Variants in UBE2F observed in about 807,000 individuals in gnomAD.
The protein encoded by UBE2F is NEDD8-conjugating enzyme UBE2F.
In UBE2F, 5 loss-of-function variants were observed where a neutral mutation model predicts 29.6. That is an observed-to-expected ratio of 0.17 (90% confidence interval 0.09 to 0.36). The LOEUF is 0.36. Ranked by LOEUF, UBE2F falls within the 10% of genes least tolerant of loss-of-function variation. The pLI is 1.00. For synonymous variants in UBE2F, 66 were observed against 81.8 expected (o/e 0.81, Z 1.04); for missense variants, 141 against 228.5 (o/e 0.62, Z 2.47).
intron 4 of UBE2F, among the ~76,000 whole-genome samples, chr2:238,015,149 T>C (rs1404368023): frequency 1.3e-5 from 2 of 152,200 alleles, no homozygotes; most frequent in Admixed American, 6.5e-5. Flanking sequence ...ATAATCTTGG[T>C]TGGGAAAGGC....
intron 4 of UBE2F, 117 bp downstream of exon 4, chr2:237,994,926 A>G: frequency 1.3e-6 from 1 of 742,262 alleles, no homozygotes; most frequent in Non-Finnish European, 2.3e-6. Flanking sequence ...ACACATTAAT[A>G]ACAATTTCAT....
chr2:238,012,213 CT>C (rs2064050896), intron 4 of UBE2F, among the ~76,000 whole-genome samples: 1 of 152,114 alleles, frequency 6.6e-6, no homozygotes, highest in East Asian at 1.9e-4. Flanking sequence ...GATTTTTCCA[CT>C]GACTGTTAGA....
intron 1 of UBE2F, among the ~76,000 whole-genome samples, chr2:237,971,146 A>C (rs912066801): frequency 1.3e-5 from 2 of 152,226 alleles, no homozygotes; most frequent in Non-Finnish European, 2.9e-5. Context: ...GGAACGGAGT[A>C]TTCTTATTTG....
intron 2 of UBE2F, 125 bp downstream of exon 2, chr2:237,973,350 A>G: frequency 1.8e-6 from 2 of 1,089,094 alleles, no homozygotes; most frequent in Non-Finnish European, 1.3e-6. Context: ...ATTTTAAAAT[A>G]TAATTGCTTA....
intron 4 of UBE2F, among the ~76,000 whole-genome samples, chr2:238,016,197 T>G (rs1396715437): frequency 6.6e-6 from 1 of 152,154 alleles, no homozygotes; most frequent in Admixed American, 6.5e-5. Flanking sequence ...AGACCAGCAG[T>G]AAGCAGATAA....
intron 1 of UBE2F, chr2:237,968,893 T>C (rs2063115413): frequency 1.0e-6 from 1 of 975,298 alleles, no homozygotes; most frequent in South Asian, 4.7e-5. Context: ...AGGAAAAGAA[T>C]TCTGAAGCAA....
intron 7 of UBE2F, among the ~76,000 whole-genome samples, chr2:238,031,498 G>A (rs537834286): frequency 3.6e-4 from 55 of 152,308 alleles, no homozygotes; most frequent in African/African-American, 1.3e-3. Context: ...AGGGATGGGT[G>A]GGTGGATGGA....
chr2:238,019,555 G>A (rs1340860836), intron 5 of UBE2F, among the ~76,000 whole-genome samples: 2 of 151,242 alleles, frequency 1.3e-5, no homozygotes, highest in African/African-American at 2.4e-5. Flanking sequence ...TAGTAGAGAC[G>A]GAGTTTCTCC....
rs376585538 is a variant in UBE2F, at chr2:237,996,728, G to A, written c.214+1919G>A. Among the ~76,000 whole-genome samples the A allele has an allele frequency of 8.5e-5, 13 of 152,058 alleles. No homozygotes were observed. The East Asian group carries it at 1.2e-3, about 14-fold the overall frequency. Reference sequence around the variant, plus strand: ...TAACCTCAGGTGATCTGCCAGCCTCGGCTTCCCAAAGTGCTGGGATTACAG... The same window carrying A: ...TAACCTCAGGTGATCTGCCAGCCTCAGCTTCCCAAAGTGCTGGGATTACAG... On this transcript the variant is annotated intron_variant, in intron 4 of 9. Coordinates refer to ENST00000272930, the MANE Select transcript of UBE2F (RefSeq NM_080678.3).
chr2:237,970,210 T>A (rs1264033951), intron 1 of UBE2F, among the ~76,000 whole-genome samples: 3 of 151,850 alleles, frequency 2.0e-5, no homozygotes, highest in Admixed American at 2.0e-4. Flanking sequence ...ACAAAAAAAA[T>A]TAAAATTAGC....
intron 2 of UBE2F, among the ~76,000 whole-genome samples, chr2:237,980,309 G>A (rs2063354354): frequency 6.6e-6 from 1 of 152,184 alleles, no homozygotes; most frequent in Non-Finnish European, 1.5e-5. Context: ...ACCATAGATG[G>A]TTTGGCCTAA....
chr2:237,972,354 C>T (rs2063192088), intron 1 of UBE2F, among the ~76,000 whole-genome samples: 1 of 152,022 alleles, frequency 6.6e-6, no homozygotes, highest in African/African-American at 2.4e-5. Flanking sequence ...TGATCCCCTG[C>T]AGCAGGGAAG....
rs559493448 is a variant in UBE2F, at chr2:237,999,391, T to C, written c.214+4582T>C. ...GGCTGAAGTTTTAATTTTTATGATG[T>C]GCAGTTTATCAGTTTTTTAATGGTT... On this transcript the variant is annotated intron_variant, in intron 4 of 9. Coordinates refer to ENST00000272930, the MANE Select transcript of UBE2F (RefSeq NM_080678.3). Among the ~76,000 whole-genome samples, 4 of 152,312 alleles carry C rather than the reference T, an allele frequency of 2.6e-5. No homozygotes were observed. The East Asian group carries it at 7.7e-4, about 29-fold the overall frequency.
At chr2:238,003,338 A>G (rs575011933) in intron 4 of UBE2F, 2 of 470,820 alleles carry the variant, frequency 4.2e-6, no homozygotes, top group East Asian at 6.9e-5. Context: ...TCAGGAAAAC[A>G]TTGACTGCTC....
At chr2:237,993,463 A>G (rs768320765) in intron 3 of UBE2F, among the ~76,000 whole-genome samples, 1 of 152,176 alleles carries the variant, frequency 6.6e-6, no homozygotes, top group East Asian at 1.9e-4. Context: ...CTGTAATCCT[A>G]GCACTTTCAG....
chr2:237,970,503 G>A (rs1176797507), intron 1 of UBE2F, among the ~76,000 whole-genome samples: 1 of 152,186 alleles, frequency 6.6e-6, no homozygotes, highest in Admixed American at 6.5e-5. Flanking sequence ...GGGTCCACAT[G>A]TTAAAATGGA....
At chr2:238,022,358 C>T (rs1487033624) in intron 5 of UBE2F, among the ~76,000 whole-genome samples, 2 of 152,070 alleles carry the variant, frequency 1.3e-5, no homozygotes, top group African/African-American at 4.8e-5. Context: ...GCTATTATGT[C>T]CTTTGCCCAT....
At chr2:238,004,231 T>C (rs2063855726) in intron 4 of UBE2F, among the ~76,000 whole-genome samples, 1 of 152,244 alleles carries the variant, frequency 6.6e-6, no homozygotes, top group Non-Finnish European at 1.5e-5. Flanking sequence ...CCACCAGCAC[T>C]GTATGAGAAT....
chr2:238,029,051 C>T (rs1249233161), intron 6 of UBE2F: 1 of 151,910 alleles, frequency 6.6e-6, no homozygotes, highest in Non-Finnish European at 1.5e-5. Context: ...ATATGTGCTG[C>T]GGAAGTGAGC....
Sources: allele counts gnomAD v4.1 joint callset (sites outside exome capture counted in the v4.1 genomes callset), GRCh38; gene constraint gnomAD v4.1.1; transcripts MANE v1.5; gene names NCBI Gene and HGNC (gene_info 2026-07-23, HGNC 2026-07-21).